Variants in PLAT observed in about 807,000 individuals in gnomAD.
PLAT encodes tissue-type plasminogen activator.
In PLAT, 48 loss-of-function variants were observed where a neutral mutation model predicts 74.9. The observed-to-expected ratio is 0.64, with a 90% confidence interval of 0.51 to 0.82. The LOEUF (loss-of-function observed/expected upper bound fraction) is 0.82. Among genes scored for constraint, PLAT ranks in the 40% least tolerant of loss-of-function variants. The probability of loss-of-function intolerance (pLI) is 0.00; values close to 1 mark genes in which losing one functional copy is unlikely to be tolerated. For missense variants in PLAT, 673 were observed against 736.2 expected, an observed-to-expected ratio of 0.91 and a Z score of 0.99; for synonymous variants, 307 against 294.4, an observed-to-expected ratio of 1.04 and a Z score of -0.44.
chr8:42,205,881 A>G (rs1172106105), intron 1 of PLAT, among the ~76,000 whole-genome samples: 2 of 152,226 alleles, frequency 1.3e-5, no homozygotes, highest in Admixed American at 6.5e-5. Flanking sequence ...GACCTGTCTC[A>G]GATACTTTTG....
intron 12 of PLAT, 65 bp from the exon 13 acceptor site, chr8:42,179,128 A>T: frequency 7.9e-7 from 1 of 1,260,202 alleles, no homozygotes; most frequent in Admixed American, 2.0e-5. Flanking sequence ...TGAAAGAGAA[A>T]GCCAAATTTT....
chr8:42,185,338 A>T, intron 6 of PLAT, 166 bp from the exon 7 acceptor site: 2 of 441,456 alleles, frequency 4.5e-6, no homozygotes, highest in South Asian at 4.8e-5. Flanking sequence ...ATCTCCTCTC[A>T]CTGCAACCTC....
Position 42,182,719 on chromosome 8 carries a change from C to A in PLAT, c.803G>T (p.Arg268Leu), listed in dbSNP as rs137943008. ...AACCCCCCACCCCTGTGCTACCTACCGGCAGTAATTATGTTTGCCCAGGCC... is the reference window on the plus strand; with the variant it reads ...AACCCCCCACCCCTGTGCTACCTACAGGCAGTAATTATGTTTGCCCAGGCC... ...ALGLGKHNYC[R>L]NPDGDAKPWC... is the part of the protein sequence containing the mutation. Residue 268 changes from arginine (R) to leucine (L), a missense_variant and splice_region_variant, in exon 8 of 14, where the codon CGG (arginine) becomes CTG (leucine). By Grantham distance (102) the Arg-to-Leu change is moderately radical. Transcript: ENST00000220809. The A allele has an allele frequency of 3.1e-6, 5 of 1,601,672 alleles. No individual in the cohort carries two copies. In the Admixed American group the frequency reaches 7.0e-5, roughly 22 times the overall value.
chr8:42,198,804 A>G (rs1806017679), intron 1 of PLAT, among the ~76,000 whole-genome samples: 1 of 152,210 alleles, frequency 6.6e-6, no homozygotes, highest in Non-Finnish European at 1.5e-5. Context: ...TGAGCAAGAG[A>G]AAGTCAGTCT....
intron 13 of PLAT, among the ~76,000 whole-genome samples, chr8:42,178,381 C>T (rs1805062950): frequency 6.6e-6 from 1 of 151,558 alleles, no homozygotes; most frequent in Non-Finnish European, 1.5e-5. Flanking sequence ...AGCGATTCTC[C>T]TGCCTCAGCC....
At chr8:42,176,200 T>C in intron 13 of PLAT, 49 bp from the exon 14 acceptor site, 3 of 1,493,756 alleles carry the variant, frequency 2.0e-6, no homozygotes, top group Non-Finnish European at 2.8e-6. Flanking sequence ...GCAGACTATC[T>C]GGAGAAAGTC....
At chr8:42,207,198 C>T (rs963407451) in intron 1 of PLAT, among the ~76,000 whole-genome samples, 2 of 152,154 alleles carry the variant, frequency 1.3e-5, no homozygotes, top group African/African-American at 2.4e-5. Context: ...TTTTCTGTAT[C>T]GTTCTTTTCA....
intron 1 of PLAT, among the ~76,000 whole-genome samples, chr8:42,206,329 C>T (rs1365452191): frequency 6.6e-6 from 1 of 152,130 alleles, no homozygotes; most frequent in Non-Finnish European, 1.5e-5. Flanking sequence ...GTGTCCCTGC[C>T]AGTGCTGGAG....
At chr8:42,196,835 GAA>G (rs3216302) in intron 1 of PLAT, among the ~76,000 whole-genome samples, 1 of 138,298 alleles carries the variant, frequency 7.2e-6, no homozygotes, top group Non-Finnish European at 1.6e-5. Flanking sequence ...TCAAAGAACT[GAA>G]AAAAAAAAAG....
chr8:42,203,290 T>A (rs1485257204), intron 1 of PLAT, among the ~76,000 whole-genome samples: 3 of 152,214 alleles, frequency 2.0e-5, no homozygotes, highest in Admixed American at 1.3e-4. Flanking sequence ...CACCAGTGCG[T>A]GTGTCAGGAG....
At chr8:42,195,474 G>A (rs1402575097) in intron 1 of PLAT, among the ~76,000 whole-genome samples, 1 of 152,178 alleles carries the variant, frequency 6.6e-6, no homozygotes, top group Non-Finnish European at 1.5e-5. Flanking sequence ...CAGCCTTTGA[G>A]CCCGCAGTGC....
rs1563259853 is a variant in PLAT at position 42,191,433 on chromosome 8, T to G, written c.73-19A>C. The G allele has an allele frequency of 3.1e-6, 5 of 1,613,262 alleles. No individual in the cohort carries two copies. Among genetic ancestry groups the G allele is most frequent in the Non-Finnish European group, 4.2e-6 (5 of 1,179,366 alleles). On this transcript the variant is annotated intron_variant, in intron 2 of 13. Transcript: ENST00000220809. ...GGATTTCCTGCGAAGAAACCAGAGGTGGAGGAAGGATCAGCACATGCCAGG... is the reference window on the plus strand; with the variant it reads ...GGATTTCCTGCGAAGAAACCAGAGGGGGAGGAAGGATCAGCACATGCCAGG...
intron 5 of PLAT, 133 bp downstream of exon 5, chr8:42,187,773 C>A: frequency 1.3e-6 from 1 of 767,068 alleles, no homozygotes; most frequent in East Asian, 2.6e-5. Context: ...CTTCCTGACC[C>A]ATGGCAGAAG....
At chr8:42,196,470 G>A (rs1439100711) in intron 1 of PLAT, among the ~76,000 whole-genome samples, 1 of 152,228 alleles carries the variant, frequency 6.6e-6, no homozygotes, top group East Asian at 1.9e-4. Flanking sequence ...AAAGAAATGA[G>A]TCATCCGGCC....
chr8:42,180,711 G>A (rs767347055), intron 9 of PLAT, 26 bp from the exon 10 acceptor site: 6 of 1,533,798 alleles, frequency 3.9e-6, no homozygotes, highest in East Asian at 2.3e-5. Flanking sequence ...CGAGGAGGCA[G>A]TCAGTCCCAC....
intron 1 of PLAT, among the ~76,000 whole-genome samples, chr8:42,205,162 A>G (rs1806283442): frequency 6.6e-6 from 1 of 152,242 alleles, no homozygotes; most frequent in African/African-American, 2.4e-5. Context: ...GACAGAACTC[A>G]AAGTCATCCC....
intron 10 of PLAT, 39 bp from the exon 11 acceptor site, chr8:42,180,417 G>A: frequency 6.2e-7 from 1 of 1,613,912 alleles, no homozygotes; most frequent in Non-Finnish European, 8.5e-7. Flanking sequence ...TTTTTGCTGT[G>A]GGATTTCCCC....
Position 42,176,072 on chromosome 8 carries a change from C to T in PLAT, c.1610G>A (p.Cys537Tyr), listed in dbSNP as rs376281296. Residue 537 changes from cysteine to tyrosine, a missense_variant, in exon 14 of 14, where the codon TGT (cysteine) becomes TAT (tyrosine). By Grantham distance (194) the Cys-to-Tyr change is radical. Transcript: ENST00000220809. ...LVGIISWGLG[C>Y]GQKDVPGVYT... Reference sequence around the variant, plus strand: ...CACACCCGGGACATCCTTCTGTCCACAGCCCAGGCCCCAGCTGATGATGCC... The same window carrying T: ...CACACCCGGGACATCCTTCTGTCCATAGCCCAGGCCCCAGCTGATGATGCC... 25 of 1,614,084 alleles carry T rather than the reference C, an allele frequency of 1.5e-5. No homozygotes were observed. The highest frequency in any genetic ancestry group is 1.9e-5 in the Non-Finnish European group (23 of 1,179,960).
chr8:42,200,413 ATCTGTAAT>A (rs2129811721), intron 1 of PLAT, among the ~76,000 whole-genome samples: 2 of 152,008 alleles, frequency 1.3e-5, no homozygotes, highest in Admixed American at 1.3e-4. Context: ...GGTGGCTCAC[ATCTGTAAT>A]CCCAACACTT....
Sources: allele counts gnomAD v4.1 joint callset (sites outside exome capture counted in the v4.1 genomes callset), GRCh38; gene constraint gnomAD v4.1.1; transcripts MANE v1.5; gene names NCBI Gene and HGNC (gene_info 2026-07-23, HGNC 2026-07-21).